The following RSPO2 variants were observed in gnomAD, a reference collection of about 807,000 sequenced individuals.
RSPO2 encodes the protein R-spondin 2, also known as R-spondin-2.
Under a neutral mutation model 30.9 loss-of-function variants are expected in RSPO2, and 14 were observed. That is an observed-to-expected ratio of 0.45 (90% CI 0.30 to 0.71). The LOEUF (loss-of-function observed/expected upper bound fraction) is 0.71. Ranked by LOEUF, RSPO2 falls within the 30% of genes least tolerant of loss-of-function variation. RSPO2 has a pLI of 0.08. For synonymous variants in RSPO2, 107 were observed against 96.4 expected, an observed-to-expected ratio of 1.11 and a Z score of -0.64; for missense variants, 264 against 301.9, an observed-to-expected ratio of 0.87 and a Z score of 0.93.
chr8:108,078,165 C>T (rs139260202), intron 2 of RSPO2, among the ~76,000 whole-genome samples: 1 of 152,144 alleles, frequency 6.6e-6, no homozygotes, highest in East Asian at 1.9e-4. Context: ...TAAAGAAAGC[C>T]CAGGGCCTAG....
intron 2 of RSPO2, among the ~76,000 whole-genome samples, chr8:108,074,200 A>G (rs751819752): frequency 1.2e-4 from 18 of 152,268 alleles, no homozygotes; most frequent in Non-Finnish European, 2.6e-4. Context: ...AGTATCTTTC[A>G]GCAAGAGATG....
At chr8:107,972,072 C>T (rs967523980) in intron 3 of RSPO2, among the ~76,000 whole-genome samples, 1 of 152,102 alleles carries the variant, frequency 6.6e-6, no homozygotes, top group Non-Finnish European at 1.5e-5. Flanking sequence ...GGGGGCCTGA[C>T]ATGACAGATG....
At chr8:108,010,804 A>G (rs534159171) in intron 2 of RSPO2, among the ~76,000 whole-genome samples, 3 of 152,264 alleles carry the variant, frequency 2.0e-5, no homozygotes, top group African/African-American at 7.2e-5. Context: ...GGAAGAGCAC[A>G]CCCAGAAATA....
intron 5 of RSPO2, among the ~76,000 whole-genome samples, chr8:107,914,452 A>G (rs928801152): frequency 3.3e-5 from 5 of 150,726 alleles, no homozygotes; most frequent in African/African-American, 1.2e-4. Context: ...GTCAATGCTC[A>G]CAGAATAGGT....
chr8:108,056,633 A>AG (rs1490846768), intron 2 of RSPO2, among the ~76,000 whole-genome samples: 37 of 150,914 alleles, frequency 2.5e-4, no homozygotes, highest in African/African-American at 9.0e-4. Context: ...CAAAAAAAAA[A>AG]AAAAAAAAAA....
At chr8:108,043,173 T>G (rs1490163408) in intron 2 of RSPO2, among the ~76,000 whole-genome samples, 1 of 152,190 alleles carries the variant, frequency 6.6e-6, no homozygotes, top group Non-Finnish European at 1.5e-5. Context: ...GAACAGCAAG[T>G]GCCTTGATAA....
intron 5 of RSPO2, among the ~76,000 whole-genome samples, chr8:107,924,896 A>T (rs1452789269): frequency 6.6e-6 from 1 of 151,980 alleles, no homozygotes; most frequent in African/African-American, 2.4e-5. Flanking sequence ...GCATGCAAAA[A>T]AAATGAAAGC....
chr8:108,003,405 G>A (rs1164451180), intron 2 of RSPO2, among the ~76,000 whole-genome samples: 18 of 143,886 alleles, frequency 1.3e-4, no homozygotes, highest in East Asian at 1.1e-3. Context: ...GTAATCCGCC[G>A]ACCTCTGGTG....
intron 2 of RSPO2, among the ~76,000 whole-genome samples, chr8:107,993,251 C>T (rs757461754): frequency 2.2e-4 from 33 of 152,086 alleles, no homozygotes; most frequent in Non-Finnish European, 4.4e-4. Context: ...ATAACAGAAT[C>T]TATAACTTCT....
intron 5 of RSPO2, among the ~76,000 whole-genome samples, chr8:107,906,753 C>T (rs1411072379): frequency 6.6e-6 from 1 of 151,946 alleles, no homozygotes; most frequent in African/African-American, 2.4e-5. Context: ...AATCTTCCTA[C>T]TGTCCATATA....
intron 2 of RSPO2, among the ~76,000 whole-genome samples, chr8:108,013,426 C>CAA (rs2130591739): frequency 6.6e-6 from 1 of 152,194 alleles, no homozygotes; most frequent in African/African-American, 2.4e-5. Flanking sequence ...TATTAGTAGC[C>CAA]AAAAGCAAAG....
chr8:108,033,656 T>C (rs1811501803), intron 2 of RSPO2, among the ~76,000 whole-genome samples: 1 of 152,230 alleles, frequency 6.6e-6, no homozygotes, highest in Non-Finnish European at 1.5e-5. Context: ...TACAAGTCTT[T>C]GTGATGACAA....
chr8:108,003,297 ATATATATATATATATTTTTTTTTTTTT>A (rs1563559045), intron 2 of RSPO2, among the ~76,000 whole-genome samples: 36 of 23,328 alleles, frequency 1.5e-3, no homozygotes, highest in African/African-American at 6.3e-3. Context: ...ATATATATAT[ATATATATATATATATTTTTTTTTTTTT>A]TTTTTTTTTT....
intron 2 of RSPO2, chr8:107,996,989 C>G: frequency 2.3e-6 from 1 of 441,950 alleles, no homozygotes; most frequent in Non-Finnish European, 4.5e-6. Flanking sequence ...GTGAACCACA[C>G]CTAACCTGAG....
At chr8:107,919,753 C>G (rs1339721203) in intron 5 of RSPO2, among the ~76,000 whole-genome samples, 1 of 152,066 alleles carries the variant, frequency 6.6e-6, no homozygotes, top group Non-Finnish European at 1.5e-5. Context: ...CTCCACCCAC[C>G]AAGTTGTCCT....
chr8:108,057,349 G>A (rs1162920445), intron 2 of RSPO2, among the ~76,000 whole-genome samples: 1 of 152,088 alleles, frequency 6.6e-6, no homozygotes, highest in Non-Finnish European at 1.5e-5. Context: ...AGCAGCCACT[G>A]AGTAGAAAGG....
chr8:107,926,051 T>A (rs1273174845), intron 5 of RSPO2, among the ~76,000 whole-genome samples: 3 of 152,116 alleles, frequency 2.0e-5, no homozygotes, highest in Admixed American at 6.6e-5. Context: ...TTTCTCCACA[T>A]CCTCTCCAGC....
chr8:107,965,401 A>C (rs1479446936), intron 3 of RSPO2, among the ~76,000 whole-genome samples: 2 of 152,118 alleles, frequency 1.3e-5, no homozygotes, highest in Non-Finnish European at 2.9e-5. Flanking sequence ...TACGGGCTCT[A>C]ATATAACATT....
intron 2 of RSPO2, among the ~76,000 whole-genome samples, chr8:108,059,529 G>T (rs978240209): frequency 1.3e-5 from 2 of 151,102 alleles, no homozygotes; most frequent in Admixed American, 6.6e-5. Context: ...TATAAATCAC[G>T]CTGCTATAAA....
Sources: allele counts gnomAD v4.1 joint callset (sites outside exome capture counted in the v4.1 genomes callset), GRCh38; gene constraint gnomAD v4.1.1; transcripts MANE v1.5; gene names NCBI Gene and HGNC (gene_info 2026-07-23, HGNC 2026-07-21).